The following NOX4 variants were observed in gnomAD, a reference collection of about 807,000 sequenced individuals.
NOX4 encodes NADPH oxidase 4, also known as kidney oxidase-1.
In NOX4, 69 loss-of-function variants were observed where a neutral mutation model predicts 87.6. The observed-to-expected ratio is 0.79, with a 90% CI of 0.65 to 0.96. The LOEUF (loss-of-function observed/expected upper bound fraction) is 0.96. Ranked by LOEUF, NOX4 falls within the 40% of genes least tolerant of loss-of-function variation. NOX4 has a pLI of 0.00. For synonymous variants in NOX4, 275 were observed against 238.2 expected (o/e 1.15, Z -1.42); for missense variants, 680 against 681.5 (o/e 1.00, Z 0.02).
chr11:89,501,140 A>C (rs964901706), upstream of NOX4, among the ~76,000 whole-genome samples: 2 of 152,060 alleles, frequency 1.3e-5, no homozygotes, highest in Non-Finnish European at 2.9e-5. Flanking sequence ...ACTTTCAGCA[A>C]AATGTTACAA....
In NOX4 at chr11:89,373,883, T is replaced by A. The variant is rs555366772; in HGVS notation, c.1075-391A>T. 2.0e-5 allele frequency among the ~76,000 whole-genome samples: 3 copies of A among 152,128 alleles called. No individual in the cohort carries two copies. In the East Asian group the frequency reaches 5.8e-4, roughly 29 times the overall value. On this transcript the variant is annotated intron_variant, in intron 11 of 17. Transcript: ENST00000263317. ...TGTCATTTTCTCCCTAGATAATATA[T>A]ACTTACCCTAACAAATTCCAGGGAG...
At chr11:89,585,582 A>C in the NOX4 span, among the ~76,000 whole-genome samples, 1 of 152,196 alleles carries the variant, frequency 6.6e-6, no homozygotes, top group Admixed American at 6.6e-5. Context: ...ACAATGTATA[A>C]ATTAATGAGT....
At chr11:89,338,621 A>G (rs1284370193) in intron 15 of NOX4, among the ~76,000 whole-genome samples, 2 of 152,044 alleles carry the variant, frequency 1.3e-5, no homozygotes, top group Admixed American at 6.6e-5. Context: ...TGCCTGTCCT[A>G]CTATTCTTTC....
exon 1 of NOX4, chr11:89,498,072 G>A (rs551238321): frequency 6.6e-6 from 1 of 152,208 alleles, no homozygotes; most frequent in Admixed American, 6.5e-5. Flanking sequence ...ACTCTTCCCA[G>A]CTGCATCAGG....
chr11:89,353,300 T>C (rs1937704039), intron 13 of NOX4, among the ~76,000 whole-genome samples: 1 of 152,180 alleles, frequency 6.6e-6, no homozygotes, highest in African/African-American at 2.4e-5. Context: ...AGCCAACTGA[T>C]GCAGCAAACT....
At chr11:89,467,291 C>T (rs1945739202) in intron 2 of NOX4, among the ~76,000 whole-genome samples, 1 of 130,080 alleles carries the variant, frequency 7.7e-6, no homozygotes, top group Non-Finnish European at 1.5e-5. Flanking sequence ...GTGGAGCTTG[C>T]AGTGAGGCCA....
chr11:89,542,319 G>T, the NOX4 span, among the ~76,000 whole-genome samples: 8 of 152,166 alleles, frequency 5.3e-5, no homozygotes, highest in Admixed American at 2.0e-4. Context: ...TCTAATATTT[G>T]TCTGGCTTTT....
At chr11:89,553,565 T>C in the NOX4 span, among the ~76,000 whole-genome samples, 73 of 152,230 alleles carry the variant, frequency 4.8e-4, no homozygotes, top group Non-Finnish European at 7.6e-4. Context: ...ATATTGGTGA[T>C]AAAATAATCT....
the NOX4 span, among the ~76,000 whole-genome samples, chr11:89,568,583 T>C: frequency 6.6e-6 from 1 of 152,204 alleles, no homozygotes; most frequent in African/African-American, 2.4e-5. Flanking sequence ...GAAGAATCAA[T>C]ATTGTTCAAA....
At chr11:89,537,053 TG>T in the NOX4 span, among the ~76,000 whole-genome samples, 1 of 152,184 alleles carries the variant, frequency 6.6e-6, no homozygotes, top group African/African-American at 2.4e-5. Flanking sequence ...TAAGCTGCAC[TG>T]GTGTGAAATT....
intron 15 of NOX4, 50 bp from the exon 16 acceptor site, chr11:89,337,565 T>G: frequency 3.1e-6 from 5 of 1,597,116 alleles, no homozygotes; most frequent in Non-Finnish European, 4.3e-6. Context: ...GTGGGTATAC[T>G]CAGATTTTCT....
chr11:89,553,922 A>T, the NOX4 span, among the ~76,000 whole-genome samples: 1 of 148,348 alleles, frequency 6.7e-6, no homozygotes, highest in African/African-American at 2.5e-5. Context: ...TGCCACTTGG[A>T]GGGAAGTGCC....
chr11:89,531,056 G>A, the NOX4 span, among the ~76,000 whole-genome samples: 1 of 152,142 alleles, frequency 6.6e-6, no homozygotes, highest in Non-Finnish European at 1.5e-5. Context: ...TTGCTGTCCT[G>A]TTTTGCTTAA....
intron 11 of NOX4, among the ~76,000 whole-genome samples, chr11:89,399,469 A>ATATATG (rs1328419843): frequency 7.2e-6 from 1 of 138,248 alleles, no homozygotes; most frequent in Admixed American, 7.3e-5. Flanking sequence ...ATATATATAT[A>ATATATG]TATTTGTTTT....
chr11:89,411,445 C>T (rs927989420), intron 8 of NOX4, among the ~76,000 whole-genome samples: 1 of 152,164 alleles, frequency 6.6e-6, no homozygotes, highest in African/African-American at 2.4e-5. Flanking sequence ...CAGGCACTGG[C>T]TCTCAGATGA....
At chr11:89,554,427 A>G in the NOX4 span, among the ~76,000 whole-genome samples, 1 of 152,178 alleles carries the variant, frequency 6.6e-6, no homozygotes, top group Admixed American at 6.6e-5. Context: ...TTAATATTTT[A>G]GAATGCTATT....
At chr11:89,404,262 C>T (rs1288979687) in intron 8 of NOX4, among the ~76,000 whole-genome samples, 8 of 151,884 alleles carry the variant, frequency 5.3e-5, no homozygotes, top group East Asian at 2.0e-4. Flanking sequence ...TATTGGCCAT[C>T]GGAAGGATAG....
chr11:89,577,255 A>C, the NOX4 span: 8 of 152,166 alleles, frequency 5.3e-5, no homozygotes, highest in Admixed American at 4.6e-4. Flanking sequence ...TAGTTTTGAT[A>C]ATCTATTCTT....
At chr11:89,570,576 T>C in the NOX4 span, among the ~76,000 whole-genome samples, 813 of 152,326 alleles carry the variant, frequency 5.3e-3, 5 homozygotes, top group African/African-American at 0.019. Flanking sequence ...GGCTTATGAC[T>C]AATCCCAACA....
Sources: allele counts gnomAD v4.1 joint callset (sites outside exome capture counted in the v4.1 genomes callset), GRCh38; gene constraint gnomAD v4.1.1; transcripts MANE v1.5; gene names NCBI Gene and HGNC (gene_info 2026-07-23, HGNC 2026-07-21).